Variants in TMEM117 observed in about 807,000 individuals in gnomAD.
TMEM117 encodes the protein transmembrane protein 117.
In TMEM117, 27 loss-of-function variants were observed where a neutral mutation model predicts 52.4. The ratio of observed to expected loss-of-function variants is 0.51; its 90% confidence interval spans 0.38 to 0.71. TMEM117 has a LOEUF of 0.71. Ranked by LOEUF, TMEM117 falls within the 30% of genes least tolerant of loss-of-function variation. TMEM117 has a pLI of 0.00. For synonymous variants in TMEM117, 215 were observed against 206.3 expected (o/e 1.04, Z -0.36); for missense variants, 556 against 630.5 (o/e 0.88, Z 1.26).
intron 4 of TMEM117, among the ~76,000 whole-genome samples, chr12:44,146,377 G>A (rs1013102442): frequency 2.6e-5 from 4 of 152,202 alleles, no homozygotes; most frequent in African/African-American, 7.2e-5. Context: ...TGGATTGAGA[G>A]TCAAGAAAAC....
downstream of TMEM117, among the ~76,000 whole-genome samples, chr12:44,390,028 T>C (rs1952150987): frequency 6.6e-6 from 1 of 152,130 alleles, no homozygotes; most frequent in African/African-American, 2.4e-5. Flanking sequence ...CTATCTACTT[T>C]TAAGCTTGCA....
intron 5 of TMEM117, among the ~76,000 whole-genome samples, chr12:44,257,244 A>C (rs1386584663): frequency 6.6e-6 from 1 of 151,760 alleles, no homozygotes; most frequent in Non-Finnish European, 1.5e-5. Flanking sequence ...CCCTGGGCTC[A>C]ATATTATGTG....
intron 3 of TMEM117, among the ~76,000 whole-genome samples, chr12:43,992,344 C>T (rs1945956579): frequency 6.6e-6 from 1 of 152,046 alleles, no homozygotes; most frequent in African/African-American, 2.4e-5. Flanking sequence ...GTGTTTCTAA[C>T]TGCAGCCTCC....
At chr12:43,894,150 C>T (rs923084199) in intron 2 of TMEM117, among the ~76,000 whole-genome samples, 11 of 152,134 alleles carry the variant, frequency 7.2e-5, no homozygotes, top group East Asian at 3.9e-4. Flanking sequence ...CTGCTCATTG[C>T]CAAGAGCATG....
At chr12:43,975,330 G>A (rs1191968108) in intron 3 of TMEM117, among the ~76,000 whole-genome samples, 1 of 152,170 alleles carries the variant, frequency 6.6e-6, no homozygotes, top group Non-Finnish European at 1.5e-5. Flanking sequence ...GTCAGACTCT[G>A]CTTCAAATCC....
intron 3 of TMEM117, among the ~76,000 whole-genome samples, chr12:44,123,695 A>G (rs950566099): frequency 2.6e-5 from 4 of 152,188 alleles, no homozygotes; most frequent in Non-Finnish European, 5.9e-5. Flanking sequence ...AGGTTTGTCA[A>G]AGATCAGATG....
chr12:44,296,241 A>G (rs567571313), intron 5 of TMEM117, among the ~76,000 whole-genome samples: 1 of 152,252 alleles, frequency 6.6e-6, no homozygotes, highest in Non-Finnish European at 1.5e-5. Context: ...CTTTCTCTCC[A>G]GGTTCTTAAG....
At chr12:43,897,659 G>T (rs1189423077) in intron 2 of TMEM117, among the ~76,000 whole-genome samples, 1 of 152,038 alleles carries the variant, frequency 6.6e-6, no homozygotes, top group Non-Finnish European at 1.5e-5. Context: ...CCAGGCTGGA[G>T]TGCAGTGGCA....
At chr12:44,219,184 AAAAAT>A (rs1395703725) in intron 5 of TMEM117, among the ~76,000 whole-genome samples, 5 of 152,332 alleles carry the variant, frequency 3.3e-5, no homozygotes, top group Admixed American at 6.5e-5. Flanking sequence ...AAATTGAAAC[AAAAAT>A]AAGTTACTTG....
intron 6 of TMEM117, among the ~76,000 whole-genome samples, chr12:44,312,408 A>T (rs950508735): frequency 1.3e-5 from 2 of 152,068 alleles, no homozygotes; most frequent in African/African-American, 4.8e-5. Context: ...GACGGCCTTC[A>T]GATGAATCTA....
intron 4 of TMEM117, among the ~76,000 whole-genome samples, chr12:44,204,705 A>T (rs756193889): frequency 3.3e-5 from 5 of 152,128 alleles, no homozygotes; most frequent in Non-Finnish European, 7.4e-5. Context: ...AAAAACAAAT[A>T]CAGAGACCAG....
rs577305760 is a variant in TMEM117, at chr12:44,296,295, A to T, written c.609-3285A>T. On this transcript the variant is annotated intron_variant, in intron 5 of 7. Coordinates refer to ENST00000266534, the MANE Select transcript of TMEM117 (RefSeq NM_032256.3). ...CTAGGTGGATCCTTGGTCAGGCAGA[A>T]CTGGTCCTGGACTATGGCTGAGAGG... Among the ~76,000 whole-genome samples the T allele has an allele frequency of 1.4e-4, 22 of 152,270 alleles. 1 individual carries two copies. The East Asian group carries it at 4.3e-3, about 29-fold the overall frequency.
At chr12:44,282,042 C>T (rs1023018814) in intron 5 of TMEM117, among the ~76,000 whole-genome samples, 1 of 152,134 alleles carries the variant, frequency 6.6e-6, no homozygotes, top group African/African-American at 2.4e-5. Flanking sequence ...CTATTCTCAT[C>T]ACAGTGAATA....
intron 4 of TMEM117, among the ~76,000 whole-genome samples, chr12:44,159,671 G>C (rs749320870): frequency 2.0e-5 from 3 of 152,088 alleles, no homozygotes; most frequent in Non-Finnish European, 2.9e-5. Flanking sequence ...TATAATTTCT[G>C]CGTGCCTGTG....
At chr12:44,304,858 T>A (rs983863890) in intron 6 of TMEM117, among the ~76,000 whole-genome samples, 2 of 152,236 alleles carry the variant, frequency 1.3e-5, no homozygotes, top group Admixed American at 1.3e-4. Flanking sequence ...AGAGCCATGT[T>A]GGTTTCAGGT....
intron 3 of TMEM117, among the ~76,000 whole-genome samples, chr12:44,094,760 C>A (rs1947729273): frequency 6.6e-6 from 1 of 151,950 alleles, no homozygotes; most frequent in Non-Finnish European, 1.5e-5. Flanking sequence ...ATGAATAGTG[C>A]AAATTAGGGA....
chr12:44,160,452 G>T (rs192317900), intron 4 of TMEM117, among the ~76,000 whole-genome samples: 21 of 152,192 alleles, frequency 1.4e-4, no homozygotes, highest in Non-Finnish European at 2.5e-4. Flanking sequence ...TTAAAAATTT[G>T]ATTTGTATAT....
intron 1 of TMEM117, among the ~76,000 whole-genome samples, chr12:43,840,197 G>T (rs1943095433): frequency 6.6e-6 from 1 of 152,080 alleles, no homozygotes. Context: ...CAGGTGGCTT[G>T]GATTTAAATT....
At chr12:44,270,820 CA>C (rs1477428421) in intron 5 of TMEM117, among the ~76,000 whole-genome samples, 5 of 152,158 alleles carry the variant, frequency 3.3e-5, no homozygotes, top group Admixed American at 2.6e-4. Context: ...GGTTTTTAAT[CA>C]TAAAGAGTTG....
Sources: allele counts gnomAD v4.1 joint callset (sites outside exome capture counted in the v4.1 genomes callset), GRCh38; gene constraint gnomAD v4.1.1; transcripts MANE v1.5; gene names NCBI Gene and HGNC (gene_info 2026-07-23, HGNC 2026-07-21).